WSB1: variants seen among roughly 807,000 people sequenced by gnomAD.
WSB1 encodes WD repeat and SOCS box containing 1.
A neutral mutation model predicts 50.2 loss-of-function variants in WSB1; 23 were observed. The ratio of observed to expected loss-of-function variants is 0.46; its 90% confidence interval spans 0.33 to 0.65. WSB1 has a LOEUF of 0.65. WSB1 is among the 30% of genes least tolerant of loss of function. WSB1 has a pLI of 0.02. For missense variants in WSB1, 492 were observed against 522.3 expected, an observed-to-expected ratio of 0.94 and a Z score of 0.56; for synonymous variants, 179 against 172.0, an observed-to-expected ratio of 1.04 and a Z score of -0.32.
At chr17:27,297,333 T>A (rs2017020499) in intron 1 of WSB1, 1 of 152,022 alleles carries the variant, frequency 6.6e-6, no homozygotes. Flanking sequence ...ACCTGGCTGA[T>A]TTTTTGTATT....
In WSB1 at chr17:27,309,144, A is replaced by G; in HGVS notation, c.756A>G (p.Leu252=). The G allele has an allele frequency of 6.2e-7, 1 of 1,612,828 alleles. No individual in the cohort carries two copies. The highest frequency in any genetic ancestry group is 8.5e-7 in the Non-Finnish European group (1 of 1,179,482). Residue 252 remains leucine (L), a synonymous_variant, in exon 6 of 9, where the codon CTA becomes CTG. Transcript: ENST00000262394. ...ATAAATACACCATGATACGGAAACTAGAAGGACATCACCATGATGTGGTAG... is the reference window on the plus strand; with the variant it reads ...ATAAATACACCATGATACGGAAACTGGAAGGACATCACCATGATGTGGTAG... ...NMDKYTMIRK[L]EGHHHDVVAC... is the part of the protein sequence containing the mutation.
chr17:27,299,390 G>T (rs1013435827), intron 1 of WSB1, among the ~76,000 whole-genome samples: 4 of 151,582 alleles, frequency 2.6e-5, no homozygotes. Context: ...GCATGTCTGT[G>T]GTCCCAGCTA....
chr17:27,295,416 A>G (rs1271049703), intron 1 of WSB1, among the ~76,000 whole-genome samples: 1 of 152,194 alleles, frequency 6.6e-6, no homozygotes, highest in Non-Finnish European at 1.5e-5. Flanking sequence ...AACGCGCACT[A>G]TTTTGTATGT....
At position 27,298,330 on chromosome 17, in the gene WSB1, C is replaced by G. The variant is rs1173032062; in HGVS notation, c.41-3458C>G. ...AAAACTTGCTTCCCTTATTTGTGAA[C>G]TTAGCATTTTTTTCCTCCTAAAAAT... On this transcript the variant is annotated intron_variant, in intron 1 of 8. Coordinates refer to ENST00000262394, the MANE Select transcript of WSB1 (RefSeq NM_015626.10). Among the ~76,000 whole-genome samples, 4 of 152,012 alleles carry G rather than the reference C, an allele frequency of 2.6e-5. No individual in the cohort carries two copies. The East Asian group carries it at 7.7e-4, about 29-fold the overall frequency.
At position 27,301,880 on chromosome 17, in the gene WSB1, G is replaced by A. The variant is rs751259583; in HGVS notation, c.133G>A (p.Asp45Asn). 2 of 1,613,942 alleles carry A rather than the reference G, an allele frequency of 1.2e-6. No homozygotes were observed. The highest frequency in any genetic ancestry group is 1.3e-5 in the African/African-American group (1 of 74,914). ...AAATTGGACTGTTGCTTTTGCTCCAGATGGTTCATACTTTGCTTGGTCACA... is the reference window on the plus strand; with the variant it reads ...AAATTGGACTGTTGCTTTTGCTCCAAATGGTTCATACTTTGCTTGGTCACA... ...RENWTVAFAP[D>N]GSYFAWSQGH... The change falls in exon 2 of 9, where the codon GAT (aspartate) becomes AAT (asparagine). Residue 45 changes from aspartate (D) to asparagine (N), a missense_variant. Transcript: ENST00000262394.
rs1422252670 is a variant in WSB1, at chr17:27,294,417, G to A, written c.22G>A (p.Val8Ile). The change falls in exon 1 of 9, where the codon GTC becomes ATC. Residue 8 changes from valine (V) to isoleucine (I), a missense_variant. Coordinates refer to ENST00000262394, the MANE Select transcript of WSB1 (RefSeq NM_015626.10). MASFPPR[V>I]NEKEIVRLRT... The stretch of plus-strand genomic sequence containing the variant: ...ATAGATGGCCAGCTTTCCCCCGAGG[G>A]TCAACGAGAAAGAGATCGGTGAGGA... 1.2e-6 allele frequency: 2 copies of A among 1,613,838 alleles called. No homozygotes were observed. The highest frequency in any genetic ancestry group is 1.7e-6 in the Non-Finnish European group (2 of 1,179,872).
chr17:27,296,060 C>G (rs2016961325), intron 1 of WSB1, among the ~76,000 whole-genome samples: 1 of 152,072 alleles, frequency 6.6e-6, no homozygotes. Flanking sequence ...TCTCGAACTC[C>G]CGACCTCAGG....
chr17:27,311,492 A>G lies in WSB1; in HGVS notation c.999-17A>G. The G allele has an allele frequency of 1.3e-6, 2 of 1,572,768 alleles. No individual in the cohort carries two copies. Among genetic ancestry groups the G allele is most frequent in the Non-Finnish European group, 1.7e-6 (2 of 1,165,550 alleles). ...TACATTTTCTACAAGATACTAAATA[A>G]TTTATTTCATTTTCAGAATGGTGAG... On this transcript the variant is annotated splice_polypyrimidine_tract_variant and intron_variant, in intron 7 of 8. Transcript: ENST00000262394.
At position 27,306,855 on chromosome 17, in the gene WSB1, G is replaced by T. The variant is rs199513539; in HGVS notation, c.684G>T (p.Met228Ile). 254 of 1,614,168 alleles carry T rather than the reference G, an allele frequency of 1.6e-4. 2 individuals carry two copies. In the South Asian group the frequency reaches 2.7e-3, roughly 17 times the overall value. ...GTGCATTCTCTCCTGACTCTTCTAT[G>T]CTGTGTTCAGTCGGAGCCAGTAAAG... is the stretch of plus-strand genomic sequence containing the variant. ...YSCAFSPDSS[M>I]LCSVGASKAV... Residue 228 changes from methionine to isoleucine, a missense_variant, in exon 5 of 9, where the codon ATG becomes ATT. Physicochemically the swap from Met to Ile is conservative, Grantham distance 10 (BLOSUM62 1). Coordinates refer to ENST00000262394, the MANE Select transcript of WSB1 (RefSeq NM_015626.10).
chr17:27,308,419 A>C (rs2017542698), intron 5 of WSB1: 2 of 984,670 alleles, frequency 2.0e-6, no homozygotes, highest in South Asian at 9.4e-5. Flanking sequence ...CAAATGACTT[A>C]TGATCGTGGT....
Position 27,311,549 on chromosome 17 carries a change from C to G in WSB1, c.1039C>G (p.Gln347Glu), listed in dbSNP as rs1164030678. The G allele has an allele frequency of 6.2e-7, 1 of 1,611,124 alleles. No individual in the cohort carries two copies. The highest frequency in any genetic ancestry group is 8.5e-7 in the Non-Finnish European group (1 of 1,179,262). Residue 347 changes from glutamine to glutamate, a missense_variant, in exon 8 of 9, where the codon CAA (glutamine) becomes GAA (glutamate). Transcript: ENST00000262394. ...FWRIDEDYPV[Q>E]VAPLSNGLCC... is the part of the protein sequence containing the mutation. ...GAGAATTGATGAGGATTATCCAGTG[C>G]AAGTTGCACCTTTGAGCAATGGTCT...
intron 8 of WSB1, 101 bp downstream of exon 8, chr17:27,311,717 C>T (rs1042873306): frequency 6.9e-6 from 6 of 873,582 alleles, no homozygotes; most frequent in South Asian, 4.0e-5. Flanking sequence ...CTGTAGCCTC[C>T]GTCTTCCAGT....
At chr17:27,308,118 C>T in intron 5 of WSB1, 1 of 1,063,844 alleles carries the variant, frequency 9.4e-7, no homozygotes, top group African/African-American at 1.7e-5. Context: ...TTTTGGAATT[C>T]TTTCAGATTC....
chr17:27,301,916 A>G lies in WSB1; in HGVS notation c.169A>G (p.Thr57Ala). The change falls in exon 2 of 9, where the codon ACA (threonine) becomes GCA (alanine). Residue 57 changes from threonine to alanine, a missense_variant. Coordinates refer to ENST00000262394, the MANE Select transcript of WSB1 (RefSeq NM_015626.10). ...SYFAWSQGHRTVKLVPWSQCL... is the reference protein window; with the variant it reads ...SYFAWSQGHRAVKLVPWSQCL... ...CTTTGCTTGGTCACAAGGACATCGC[A>G]CAGTAAAGCTTGTTCCGTGGTCCCA... The G allele has an allele frequency of 6.2e-7, 1 of 1,610,270 alleles. No homozygotes were observed. Among genetic ancestry groups the G allele is most frequent in the Non-Finnish European group, 8.5e-7 (1 of 1,178,520 alleles).
At chr17:27,294,511 A>G in intron 1 of WSB1, 76 bp downstream of exon 1, 2 of 1,579,564 alleles carry the variant, frequency 1.3e-6, no homozygotes, top group Non-Finnish European at 1.7e-6. Context: ...TTTGGGAGGA[A>G]GCGACTCCAA....
chr17:27,304,549 A>C (rs2017366783), intron 3 of WSB1, among the ~76,000 whole-genome samples: 1 of 146,920 alleles, frequency 6.8e-6, no homozygotes, highest in Admixed American at 6.7e-5. Context: ...AAAAAAAAAA[A>C]AAAAAAAAAA....
chr17:27,310,193 G>A lies in WSB1; in HGVS notation c.998+19G>A, dbSNP rs765060434. The A allele has an allele frequency of 3.1e-6, 5 of 1,604,556 alleles. No individual in the cohort carries two copies. Among genetic ancestry groups the A allele is most frequent in the Middle Eastern group, 1.7e-4 (1 of 6,040 alleles). On this transcript the variant is annotated intron_variant, in intron 7 of 8. Coordinates refer to ENST00000262394, the MANE Select transcript of WSB1 (RefSeq NM_015626.10). ...ATGATAAGTAAGTATGTGCATTATA[G>A]CTTGACTGACTTACTATTACCTTTT...
chr17:27,294,336 C>G lies in WSB1; in HGVS notation c.-60C>G. 1 of 1,597,138 alleles carries G rather than the reference C, an allele frequency of 6.3e-7. No individual in the cohort carries two copies. Among genetic ancestry groups the G allele is most frequent in the South Asian group, 1.1e-5 (1 of 89,950 alleles). ...TGGCGTCACGCCCCTCAGCGGTCGCCACTCTCTTCTCTGTTGTTGGGTCCG... is the reference window on the plus strand; with the variant it reads ...TGGCGTCACGCCCCTCAGCGGTCGCGACTCTCTTCTCTGTTGTTGGGTCCG... On this transcript the variant is annotated 5_prime_UTR_variant, in exon 1 of 9. Coordinates refer to ENST00000262394, the MANE Select transcript of WSB1 (RefSeq NM_015626.10).
chr17:27,299,719 A>G (rs1170461418), intron 1 of WSB1, among the ~76,000 whole-genome samples: 1 of 152,208 alleles, frequency 6.6e-6, no homozygotes, highest in Non-Finnish European at 1.5e-5. Context: ...ACTTGAAACC[A>G]TGTGATCTAA....
Sources: gnomAD v4.1 joint callset for allele counts (sites outside exome capture counted in the v4.1 genomes callset) on GRCh38, gnomAD v4.1.1 for gene constraint, MANE v1.5 for transcripts, NCBI Gene and HGNC (gene_info 2026-07-23, HGNC 2026-07-21) for gene names.